The following IGFBP7 variants were observed in gnomAD, a reference collection of about 807,000 sequenced individuals.
IGFBP7 encodes insulin like growth factor binding protein 7, also known as insulin-like growth factor-binding protein 7.
IGFBP7 carries 31 observed loss-of-function variants against 29.4 expected under a neutral mutation model. That is an observed-to-expected ratio of 1.05 (90% CI 0.79 to 1.42). IGFBP7 has a LOEUF of 1.42. Among genes scored for constraint, IGFBP7 ranks in the 40% most tolerant of loss-of-function variants. IGFBP7 has a pLI of 0.00. For missense variants in IGFBP7, 393 were observed against 395.5 expected, an observed-to-expected ratio of 0.99 and a Z score of 0.05; for synonymous variants, 172 against 174.9, an observed-to-expected ratio of 0.98 and a Z score of 0.13.
chr4:57,101,218 G>GT (rs1028269300), intron 1 of IGFBP7, among the ~76,000 whole-genome samples: 5 of 152,214 alleles, frequency 3.3e-5, no homozygotes, highest in African/African-American at 9.6e-5. Context: ...TGAGGGGGTT[G>GT]TTTTTTCACA....
rs751110814 is a variant in IGFBP7, at chr4:57,110,123, C to T, written c.229G>A (p.Gly77Ser). 5.3e-5 allele frequency: 80 copies of T among 1,511,012 alleles called. No individual in the cohort carries two copies. Among genetic ancestry groups the T allele is most frequent in the Non-Finnish European group, 6.7e-5 (76 of 1,136,654 alleles). The allele number at this position is 1,511,012 out of a possible 1,614,324, so 93.6% of individuals were successfully genotyped here. The change falls in exon 1 of 5, where the codon GGC becomes AGC. Residue 77 changes from glycine (G) to serine (S), a missense_variant. Transcript: ENST00000295666. ...ATGCCCGGCGCGCAGTACCCCCTGC[C>T]GGCGCCGCCACCCCCGCACGGCTCG... is the stretch of plus-strand genomic sequence containing the variant. ...EGEPCGGGGA[G>S]RGYCAPGMEC...
intron 1 of IGFBP7, among the ~76,000 whole-genome samples, chr4:57,055,181 G>C (rs574899764): frequency 3.3e-5 from 5 of 152,066 alleles, no homozygotes; most frequent in Non-Finnish European, 7.4e-5. Context: ...CTCAGCCACC[G>C]GGTACTGGCC....
At chr4:57,040,042 A>C (rs758642764) in intron 2 of IGFBP7, among the ~76,000 whole-genome samples, 9 of 152,146 alleles carry the variant, frequency 5.9e-5, no homozygotes, top group Non-Finnish European at 8.8e-5. Flanking sequence ...AAATTCAGAA[A>C]GGAGACATTT....
chr4:57,101,359 A>T (rs541610039), intron 1 of IGFBP7, among the ~76,000 whole-genome samples: 1 of 152,196 alleles, frequency 6.6e-6, no homozygotes, highest in African/African-American at 2.4e-5. Flanking sequence ...CCTGAAATGA[A>T]CCTTTCTTAT....
intron 1 of IGFBP7, among the ~76,000 whole-genome samples, chr4:57,106,105 A>T (rs1726025560): frequency 6.6e-6 from 1 of 151,818 alleles, no homozygotes; most frequent in African/African-American, 2.4e-5. Flanking sequence ...ACGGTGTTTC[A>T]TTGTGTTAGC....
chr4:57,032,217 C>G, intron 4 of IGFBP7: 1 of 1,341,664 alleles, frequency 7.5e-7, no homozygotes, highest in Non-Finnish European at 9.7e-7. Context: ...GTAAAAGCAT[C>G]TAAGTCATAA....
At chr4:57,063,256 C>G (rs151079140) in intron 1 of IGFBP7, among the ~76,000 whole-genome samples, 1 of 152,270 alleles carries the variant, frequency 6.6e-6, no homozygotes, top group African/African-American at 2.4e-5. Context: ...CTGAATCCAA[C>G]CCCTCCAACT....
intron 1 of IGFBP7, among the ~76,000 whole-genome samples, chr4:57,059,733 C>A (rs966730594): frequency 6.6e-5 from 10 of 151,892 alleles, no homozygotes; most frequent in Admixed American, 5.9e-4. Flanking sequence ...GCACATGTAC[C>A]CCCAAACCTA....
intron 2 of IGFBP7, among the ~76,000 whole-genome samples, chr4:57,037,249 GA>G (rs2109738974): frequency 6.6e-6 from 1 of 152,296 alleles, no homozygotes; most frequent in South Asian, 2.1e-4. Flanking sequence ...GAAGGTAGAG[GA>G]AAACCGGCAG....
At chr4:57,091,631 C>T (rs1415140243) in intron 1 of IGFBP7, among the ~76,000 whole-genome samples, 1 of 152,222 alleles carries the variant, frequency 6.6e-6, no homozygotes, top group Non-Finnish European at 1.5e-5. Flanking sequence ...CTGTTCCTAT[C>T]TCCCAGTCGA....
At chr4:57,043,168 G>A (rs949187391) in intron 1 of IGFBP7, among the ~76,000 whole-genome samples, 6 of 152,180 alleles carry the variant, frequency 3.9e-5, no homozygotes, top group African/African-American at 1.4e-4. Context: ...CAATCACCAG[G>A]GGCCTTCAGA....
intron 1 of IGFBP7, chr4:57,072,790 C>G (rs1400266086): frequency 1.8e-6 from 1 of 544,042 alleles, no homozygotes; most frequent in Non-Finnish European, 3.6e-6. Context: ...TGGGGACCAT[C>G]CATTGAGCAG....
At chr4:57,036,626 A>G (rs1341918319) in intron 2 of IGFBP7, among the ~76,000 whole-genome samples, 1 of 152,130 alleles carries the variant, frequency 6.6e-6, no homozygotes, top group Non-Finnish European at 1.5e-5. Flanking sequence ...GAGTTTGCTG[A>G]AAGGTATGGG....
intron 1 of IGFBP7, among the ~76,000 whole-genome samples, chr4:57,078,617 A>G (rs1725286300): frequency 6.6e-6 from 1 of 151,646 alleles, no homozygotes; most frequent in Non-Finnish European, 1.5e-5. Flanking sequence ...CTCCCCTCTC[A>G]CAGAACACCC....
intron 1 of IGFBP7, among the ~76,000 whole-genome samples, chr4:57,056,524 T>C (rs1724677745): frequency 6.6e-6 from 1 of 152,144 alleles, no homozygotes; most frequent in South Asian, 2.1e-4. Context: ...ACTGTTCAAG[T>C]GAGGCTCAAA....
rs1055322321 is a variant in IGFBP7 at position 57,093,148 on chromosome 4, G to A, written c.475+16729C>T. ...AAAATGAAATTAGCTTACATTCCCA[G>A]GACACACTGAAGCTGCACAGCAGCT... On this transcript the variant is annotated intron_variant, in intron 1 of 4. Coordinates refer to ENST00000295666, the MANE Select transcript of IGFBP7 (RefSeq NM_001553.3). Among the ~76,000 whole-genome samples the A allele has an allele frequency of 4.6e-5, 7 of 152,184 alleles. No individual in the cohort carries two copies. The East Asian group carries it at 1.2e-3, about 25-fold the overall frequency.
At chr4:57,037,613 C>G (rs1724115056) in intron 2 of IGFBP7, among the ~76,000 whole-genome samples, 1 of 152,064 alleles carries the variant, frequency 6.6e-6, no homozygotes, top group Non-Finnish European at 1.5e-5. Context: ...GGGATCTGCC[C>G]TGTACAGTCC....
chr4:57,090,721 G>A (rs557442685), intron 1 of IGFBP7, among the ~76,000 whole-genome samples: 3 of 151,924 alleles, frequency 2.0e-5, no homozygotes, highest in South Asian at 2.1e-4. Context: ...GGTGGTGCAC[G>A]CCTGTAATCC....
chr4:57,098,421 C>T (rs554975006), intron 1 of IGFBP7, among the ~76,000 whole-genome samples: 4 of 152,260 alleles, frequency 2.6e-5, no homozygotes, highest in South Asian at 2.1e-4. Context: ...GAAAGGGGCA[C>T]GAGCTGCTCA....
Sources: gnomAD v4.1 joint callset for allele counts (sites outside exome capture counted in the v4.1 genomes callset) on GRCh38, gnomAD v4.1.1 for gene constraint, MANE v1.5 for transcripts, NCBI Gene and HGNC (gene_info 2026-07-23, HGNC 2026-07-21) for gene names.